The following MARCHF1 variants were observed in gnomAD, a reference collection of about 807,000 sequenced individuals.
MARCHF1 encodes the protein E3 ubiquitin-protein ligase MARCHF1.
Under a neutral mutation model 54.2 loss-of-function variants are expected in MARCHF1, and 40 were observed. The ratio of observed to expected loss-of-function variants is 0.74; its 90% CI spans 0.57 to 0.96. The LOEUF is 0.96. Among genes scored for constraint, MARCHF1 ranks in the 40% least tolerant of loss-of-function variants. The pLI is 0.00. For missense variants in MARCHF1, 586 were observed against 656.5 expected (o/e 0.89, Z 1.17); for synonymous variants, 236 against 236.3 (o/e 1.00, Z 0.01).
chr4:163,986,249 C>CCTTTTTTTTTTTTTTTTTTTTTTTTTTTT (rs1752864138), intron 3 of MARCHF1, among the ~76,000 whole-genome samples: 2 of 28,830 alleles, frequency 6.9e-5, no homozygotes, highest in Non-Finnish European at 1.5e-4. Flanking sequence ...TTAACCTCTT[C>CCTTTTTTTTTTTTTTTTTTTTTTTTTTTT]TTTTTTTTTT....
At chr4:163,970,132 T>C (rs1752521062) in intron 3 of MARCHF1, among the ~76,000 whole-genome samples, 1 of 152,212 alleles carries the variant, frequency 6.6e-6, no homozygotes, top group Non-Finnish European at 1.5e-5. Flanking sequence ...ACTTTCAAGG[T>C]TCTCTTCATG....
chr4:163,663,914 C>T (rs1743437013), intron 5 of MARCHF1, among the ~76,000 whole-genome samples: 2 of 151,794 alleles, frequency 1.3e-5, no homozygotes, highest in Middle Eastern at 3.4e-3. Context: ...TATGTCAAAG[C>T]TTTCATGTAC....
chr4:163,972,667 C>T (rs1355699260), intron 3 of MARCHF1, among the ~76,000 whole-genome samples: 1 of 152,034 alleles, frequency 6.6e-6, no homozygotes, highest in African/African-American at 2.4e-5. Flanking sequence ...CTGCCTCAGC[C>T]TCCTGAGTAG....
intron 2 of MARCHF1, among the ~76,000 whole-genome samples, chr4:163,994,257 A>AGTGTGT (rs769035806): frequency 0.083 from 11,313 of 136,948 alleles, 556 homozygotes; most frequent in South Asian, 0.12. Flanking sequence ...ATAGAGAAAA[A>AGTGTGT]GTGTGTGTGT....
chr4:164,272,828 T>C (rs1165195207), intron 1 of MARCHF1, among the ~76,000 whole-genome samples: 7 of 151,380 alleles, frequency 4.6e-5, no homozygotes, highest in Non-Finnish European at 1.0e-4. Flanking sequence ...AATGAGAAAA[T>C]AAAAAAGTAG....
chr4:163,937,759 T>G (rs1751830020), intron 3 of MARCHF1, among the ~76,000 whole-genome samples: 1 of 152,168 alleles, frequency 6.6e-6, no homozygotes, highest in South Asian at 2.1e-4. Context: ...TGTTTCAACT[T>G]ATAATTCACT....
At chr4:164,026,899 C>T (rs1753779732) in intron 2 of MARCHF1, among the ~76,000 whole-genome samples, 4 of 152,062 alleles carry the variant, frequency 2.6e-5, no homozygotes, top group Admixed American at 2.6e-4. Context: ...TTTCAGGATA[C>T]AAAATCAGTG....
At chr4:164,069,061 GGT>G (rs1754796199) in intron 2 of MARCHF1, among the ~76,000 whole-genome samples, 2 of 152,168 alleles carry the variant, frequency 1.3e-5, no homozygotes, top group African/African-American at 2.4e-5. Context: ...TCTAGCTCAA[GGT>G]TTGTAAATGC....
In MARCHF1 at chr4:163,612,454, A is replaced by G. The variant is rs1182989889; in HGVS notation, c.827T>C (p.Leu276Ser). 4.6e-6 allele frequency: 7 copies of G among 1,535,186 alleles called. No individual in the cohort carries two copies. Among genetic ancestry groups the G allele is most frequent in the Non-Finnish European group, 6.1e-6 (7 of 1,146,448 alleles). ...TATTTCATTTTTCCTAAGACTTTGC[A>G]AGAGCTGAGGATCTCTGTGGTGATA... is the stretch of plus-strand genomic sequence containing the variant. ...GRYHHRDPQL[L>S]QSLRKNEIMK... Residue 276 changes from leucine (L) to serine (S), a missense_variant, in exon 7 of 10, where the codon TTG (leucine) becomes TCG (serine). Leu to Ser is a moderately radical substitution (Grantham distance 145). Transcript: ENST00000514618.
At chr4:163,848,779 T>C (rs1473217414) in intron 4 of MARCHF1, among the ~76,000 whole-genome samples, 1 of 152,178 alleles carries the variant, frequency 6.6e-6, no homozygotes, top group Non-Finnish European at 1.5e-5. Flanking sequence ...CCCCTCAAGG[T>C]TATTATTCAT....
chr4:163,879,811 G>GTGTT (rs1750375604), intron 3 of MARCHF1, among the ~76,000 whole-genome samples: 1 of 151,354 alleles, frequency 6.6e-6, no homozygotes, highest in African/African-American at 2.4e-5. Context: ...AGGCGTGTGT[G>GTGTT]TGTGTGTGTG....
chr4:163,893,137 CT>C (rs1560806730), intron 3 of MARCHF1, among the ~76,000 whole-genome samples: 1 of 151,118 alleles, frequency 6.6e-6, no homozygotes, highest in Non-Finnish European at 1.5e-5. Flanking sequence ...ACCTTACATA[CT>C]TTAAAAAAAA....
intron 5 of MARCHF1, among the ~76,000 whole-genome samples, chr4:163,638,254 T>A (rs77949445): frequency 0.037 from 4,990 of 136,224 alleles, 263 homozygotes; most frequent in East Asian, 0.2. Flanking sequence ...AAAAAAAAAA[T>A]TAAAAAAAAA....
intron 4 of MARCHF1, among the ~76,000 whole-genome samples, chr4:163,765,603 TAGTTTATA>T (rs1433356576): frequency 4.6e-5 from 7 of 151,994 alleles, no homozygotes; most frequent in Non-Finnish European, 7.4e-5. Flanking sequence ...TTGACATCAG[TAGTTTATA>T]AATAAATATA....
intron 2 of MARCHF1, among the ~76,000 whole-genome samples, chr4:164,064,882 C>A (rs1754693949): frequency 6.6e-6 from 1 of 151,996 alleles, no homozygotes; most frequent in Non-Finnish European, 1.5e-5. Context: ...TATTGAAGGC[C>A]TTTTCTGCAT....
intron 5 of MARCHF1, among the ~76,000 whole-genome samples, chr4:163,622,736 C>A (rs1347373701): frequency 6.6e-6 from 1 of 152,150 alleles, no homozygotes; most frequent in Non-Finnish European, 1.5e-5. Flanking sequence ...GGTGGCATGG[C>A]AAGTTGCCTA....
chr4:164,367,100 A>AT (rs1045309579), intron 1 of MARCHF1, among the ~76,000 whole-genome samples: 4 of 152,048 alleles, frequency 2.6e-5, no homozygotes, highest in Non-Finnish European at 5.9e-5. Context: ...GAGAGAGGGA[A>AT]TTTTTTTCAC....
intron 4 of MARCHF1, among the ~76,000 whole-genome samples, chr4:163,786,861 A>G (rs1280753705): frequency 6.6e-6 from 1 of 152,000 alleles, no homozygotes; most frequent in Non-Finnish European, 1.5e-5. Flanking sequence ...AGGAATCCAT[A>G]CAATGTGGTA....
At chr4:163,847,935 C>T (rs937936240) in intron 4 of MARCHF1, among the ~76,000 whole-genome samples, 1 of 152,090 alleles carries the variant, frequency 6.6e-6, no homozygotes, top group African/African-American at 2.4e-5. Context: ...TCTTATAATG[C>T]GTGTTGTGTA....
Sources: gnomAD v4.1 joint callset for allele counts (sites outside exome capture counted in the v4.1 genomes callset) on GRCh38, gnomAD v4.1.1 for gene constraint, MANE v1.5 for transcripts, NCBI Gene and HGNC (gene_info 2026-07-23, HGNC 2026-07-21) for gene names.